The following ZC3H12B variants were observed in gnomAD, a reference collection of about 807,000 sequenced individuals.
The protein encoded by ZC3H12B is probable ribonuclease ZC3H12B.
In ZC3H12B, 7 loss-of-function variants were observed where a neutral mutation model predicts 43.9. The observed-to-expected ratio is 0.16, with a 90% CI of 0.09 to 0.30. The LOEUF (loss-of-function observed/expected upper bound fraction) is 0.30, where lower values mean the gene tolerates loss of function less well. Among genes scored for constraint, ZC3H12B ranks in the 10% least tolerant of loss-of-function variants. The pLI is 1.00. For synonymous variants in ZC3H12B, 222 were observed against 241.7 expected (o/e 0.92, Z 0.76); for missense variants, 475 against 670.2 (o/e 0.71, Z 3.22).
chrX:65,408,239 G>T, intron 3 of ZC3H12B: 1 of 1,175,488 alleles, frequency 8.5e-7, no homozygotes, highest in South Asian at 1.8e-5. Context: ...ACCGGCAAGT[G>T]AAAAGACAGA....
the ZC3H12B span, among the ~76,000 whole-genome samples, chrX:65,317,558 G>A: frequency 1.8e-5 from 2 of 108,749 alleles, no homozygotes; most frequent in Non-Finnish European, 3.8e-5. Context: ...AGTCCTCAAA[G>A]TCCATTGTAT....
chrX:65,171,747 G>T, the ZC3H12B span, among the ~76,000 whole-genome samples: 1 of 110,649 alleles, frequency 9.0e-6, no homozygotes, highest in Non-Finnish European at 1.9e-5. Flanking sequence ...AATGGTGGAC[G>T]CCCCTCCCCC....
At chrX:65,370,018 G>A (rs765917427) in intron 2 of ZC3H12B, among the ~76,000 whole-genome samples, 1 of 111,327 alleles carries the variant, frequency 9.0e-6, no homozygotes, top group East Asian at 2.8e-4. Flanking sequence ...AGGCCTAAGC[G>A]AGAGGATCAC....
intron 3 of ZC3H12B, among the ~76,000 whole-genome samples, chrX:65,417,471 A>G (rs2066974734): frequency 8.9e-6 from 1 of 112,578 alleles, no homozygotes; most frequent in Non-Finnish European, 1.9e-5. Context: ...CTCTCCTATG[A>G]GTAAAGGTGT....
the ZC3H12B span, among the ~76,000 whole-genome samples, chrX:65,314,288 A>C: frequency 8.9e-6 from 1 of 111,868 alleles, no homozygotes; most frequent in African/African-American, 3.2e-5. Context: ...AATTGGTGAA[A>C]TATGTAAATT....
chrX:65,414,395 A>G (rs2066937178), intron 3 of ZC3H12B, among the ~76,000 whole-genome samples: 1 of 111,051 alleles, frequency 9.0e-6, no homozygotes, highest in Admixed American at 9.6e-5. Flanking sequence ...TTTTTCTACT[A>G]GGTTTCTAGT....
At chrX:65,235,031 C>A in the ZC3H12B span, among the ~76,000 whole-genome samples, 6 of 111,698 alleles carry the variant, frequency 5.4e-5, no homozygotes, top group African/African-American at 1.6e-4. Context: ...CTTGTTCATT[C>A]TTTTTGGCTA....
chrX:65,488,315 G>A (rs1161543784), upstream of ZC3H12B, among the ~76,000 whole-genome samples: 4 of 107,217 alleles, frequency 3.7e-5, no homozygotes, highest in Non-Finnish European at 7.7e-5. Flanking sequence ...GCACCTTGTT[G>A]AAATGTGATG....
chrX:65,190,279 G>A, the ZC3H12B span, among the ~76,000 whole-genome samples: 10 of 110,358 alleles, frequency 9.1e-5, no homozygotes, highest in East Asian at 5.7e-4. Flanking sequence ...TTGGCAATGC[G>A]GGCTCTTTTT....
chrX:65,215,456 A>T, the ZC3H12B span, among the ~76,000 whole-genome samples: 1 of 110,586 alleles, frequency 9.0e-6, no homozygotes, highest in Non-Finnish European at 1.9e-5. Flanking sequence ...CGGCTGCTTT[A>T]CTTCAACTTC....
chrX:65,192,522 A>T, the ZC3H12B span, among the ~76,000 whole-genome samples: 1 of 110,973 alleles, frequency 9.0e-6, no homozygotes, highest in Non-Finnish European at 1.9e-5. Flanking sequence ...AGGTATGTTT[A>T]TTCTGTACCC....
At chrX:65,192,151 C>T in the ZC3H12B span, among the ~76,000 whole-genome samples, 1 of 109,396 alleles carries the variant, frequency 9.1e-6, no homozygotes, top group East Asian at 2.9e-4. Context: ...TTTGATTACA[C>T]TGTGGTCTGA....
At chrX:65,043,782 AAAG>A in the ZC3H12B span, among the ~76,000 whole-genome samples, 1 of 112,227 alleles carries the variant, frequency 8.9e-6, no homozygotes, top group Non-Finnish European at 1.9e-5. Flanking sequence ...AGACATAAGA[AAAG>A]AAAATATTTG....
At chrX:65,132,887 G>A in the ZC3H12B span, among the ~76,000 whole-genome samples, 5 of 111,344 alleles carry the variant, frequency 4.5e-5, no homozygotes, top group African/African-American at 1.3e-4. Context: ...GAGGTGATTG[G>A]GCAGCGTCAG....
chrX:65,382,954 G>A (rs1454115272), intron 2 of ZC3H12B, among the ~76,000 whole-genome samples: 1 of 110,634 alleles, frequency 9.0e-6, no homozygotes, highest in Non-Finnish European at 1.9e-5. Flanking sequence ...AAATAAAAGA[G>A]GATACAAACA....
intron 3 of ZC3H12B, among the ~76,000 whole-genome samples, chrX:65,475,113 C>A (rs1187307736): frequency 8.9e-6 from 1 of 112,381 alleles, no homozygotes; most frequent in Non-Finnish European, 1.9e-5. Context: ...CCCCCCCACA[C>A]ACACACTTTG....
chrX:65,283,538 C>T, the ZC3H12B span, among the ~76,000 whole-genome samples: 1,113 of 111,354 alleles, frequency 1.0e-2, 12 homozygotes, highest in African/African-American at 0.034. Flanking sequence ...CAAATTGTTC[C>T]TCTTTGCAGA....
exon 2 of ZC3H12B, chrX:65,368,869 G>C (rs1227301579): frequency 8.9e-6 from 1 of 112,165 alleles, no homozygotes; most frequent in Non-Finnish European, 1.9e-5. Flanking sequence ...AGCAACAGAG[G>C]ATAAAAGTCA....
chrX:65,420,321 C>T (rs2067004317), intron 3 of ZC3H12B, among the ~76,000 whole-genome samples: 1 of 111,879 alleles, frequency 8.9e-6, no homozygotes, highest in South Asian at 3.7e-4. Context: ...CAAAGCAACG[C>T]CAGCTGCCAT....
Sources: allele counts gnomAD v4.1 joint callset (sites outside exome capture counted in the v4.1 genomes callset), GRCh38; gene constraint gnomAD v4.1.1; transcripts MANE v1.5; gene names NCBI Gene and HGNC (gene_info 2026-07-23, HGNC 2026-07-21).